Variants in IL1RAPL1 observed in about 807,000 individuals in gnomAD.
The protein encoded by IL1RAPL1 is interleukin-1 receptor accessory protein-like 1.
Under a neutral mutation model 48.4 loss-of-function variants are expected in IL1RAPL1, and 3 were observed. The observed-to-expected ratio is 0.06, with a 90% CI of 0.03 to 0.16. The LOEUF (loss-of-function observed/expected upper bound fraction) is 0.16. IL1RAPL1 is among the 10% of genes least tolerant of loss of function. The pLI is 1.00. For missense variants in IL1RAPL1, 349 were observed against 530.6 expected, an observed-to-expected ratio of 0.66 and a Z score of 3.36; for synonymous variants, 185 against 187.7, an observed-to-expected ratio of 0.99 and a Z score of 0.12.
rs758802910 is a variant in IL1RAPL1, at chrX:29,370,096, G to A, written c.363-26162G>A. Among the ~76,000 whole-genome samples the A allele has an allele frequency of 7.2e-5, 8 of 111,718 alleles. No homozygotes were observed. In the South Asian group the frequency reaches 1.8e-3, roughly 26 times the overall value. On this transcript the variant is annotated intron_variant, in intron 3 of 10. Coordinates refer to ENST00000378993, the MANE Select transcript of IL1RAPL1 (RefSeq NM_014271.4). Reference sequence around the variant, plus strand: ...AATAAGAACCAGAAAAAATTTTTTCGTAAATTTCCTTTTAGAGTGTCAAAA... The same window carrying A: ...AATAAGAACCAGAAAAAATTTTTTCATAAATTTCCTTTTAGAGTGTCAAAA...
chrX:29,202,920 C>G (rs766303955), intron 2 of IL1RAPL1, among the ~76,000 whole-genome samples: 15 of 111,105 alleles, frequency 1.4e-4, no homozygotes, highest in African/African-American at 3.9e-4. Flanking sequence ...TTGTGCCTAT[C>G]TGGGTGGTGA....
intron 10 of IL1RAPL1, 90 bp from the exon 11 acceptor site, chrX:29,955,012 T>C: frequency 2.6e-6 from 2 of 760,666 alleles, no homozygotes; most frequent in Non-Finnish European, 4.1e-6. Context: ...GTGAACTAGT[T>C]TCATTTAATT....
intron 6 of IL1RAPL1, among the ~76,000 whole-genome samples, chrX:29,680,114 A>G (rs961100504): frequency 3.6e-5 from 4 of 111,714 alleles, no homozygotes; most frequent in Non-Finnish European, 7.5e-5. Context: ...GAAGAATCAC[A>G]GGATTTAATA....
At chrX:29,079,325 T>C (rs913036871) in intron 2 of IL1RAPL1, among the ~76,000 whole-genome samples, 7 of 111,472 alleles carry the variant, frequency 6.3e-5, no homozygotes, top group Non-Finnish European at 1.3e-4. Flanking sequence ...GGGACCAAAA[T>C]CTTAAATGAT....
intron 6 of IL1RAPL1, among the ~76,000 whole-genome samples, chrX:29,725,628 C>T (rs1252519395): frequency 4.5e-5 from 5 of 111,772 alleles, no homozygotes; most frequent in African/African-American, 1.6e-4. Flanking sequence ...GCATCCTCCA[C>T]TGGGGCAACT....
At chrX:29,574,887 CA>C (rs1337390036) in intron 5 of IL1RAPL1, among the ~76,000 whole-genome samples, 1 of 111,989 alleles carries the variant, frequency 8.9e-6, no homozygotes, top group African/African-American at 3.2e-5. Flanking sequence ...ATCCCTAGAG[CA>C]GGGGCACAGT....
intron 2 of IL1RAPL1, among the ~76,000 whole-genome samples, chrX:28,834,259 C>T (rs1042252033): frequency 1.9e-5 from 2 of 106,764 alleles, no homozygotes; most frequent in African/African-American, 6.8e-5. Flanking sequence ...ATACCGTAGG[C>T]AATTTTTGTG....
intron 2 of IL1RAPL1, among the ~76,000 whole-genome samples, chrX:29,144,105 G>A (rs1011960746): frequency 1.5e-4 from 17 of 111,318 alleles, no homozygotes; most frequent in African/African-American, 5.2e-4. Context: ...AGTTAATGGC[G>A]ATATCAAGTG....
chrX:29,688,883 A>G (rs996517659), intron 6 of IL1RAPL1, among the ~76,000 whole-genome samples: 3 of 109,107 alleles, frequency 2.7e-5, no homozygotes, highest in Non-Finnish European at 5.7e-5. Flanking sequence ...GGAAGACATT[A>G]CCAAAAACTA....
At chrX:29,072,671 A>G (rs1927589998) in intron 2 of IL1RAPL1, among the ~76,000 whole-genome samples, 2 of 111,643 alleles carry the variant, frequency 1.8e-5, no homozygotes, top group Admixed American at 1.9e-4. Context: ...GCATATGCTA[A>G]TTGAAGTTGA....
chrX:29,592,806 A>C (rs901206477), intron 5 of IL1RAPL1, among the ~76,000 whole-genome samples: 1 of 111,739 alleles, frequency 8.9e-6, no homozygotes, highest in Non-Finnish European at 1.9e-5. Context: ...CTGGCCTCAC[A>C]GGCCTTGATT....
At chrX:28,945,715 A>G (rs1219590951) in intron 2 of IL1RAPL1, among the ~76,000 whole-genome samples, 2 of 110,231 alleles carry the variant, frequency 1.8e-5, no homozygotes, top group Admixed American at 2.0e-4. Flanking sequence ...ACGTATACCT[A>G]TGTAACAAAC....
At chrX:28,964,366 A>C (rs1924867827) in intron 2 of IL1RAPL1, among the ~76,000 whole-genome samples, 2 of 111,520 alleles carry the variant, frequency 1.8e-5, no homozygotes, top group Admixed American at 1.9e-4. Flanking sequence ...AGATTTCTTT[A>C]TTTCCCTTTA....
intron 6 of IL1RAPL1, among the ~76,000 whole-genome samples, chrX:29,914,652 G>A (rs770154170): frequency 9.3e-6 from 1 of 107,104 alleles, no homozygotes; most frequent in Non-Finnish European, 1.9e-5. Flanking sequence ...TATTGAATTC[G>A]TGACTACCTT....
At chrX:29,740,412 G>A (rs760256562) in intron 6 of IL1RAPL1, among the ~76,000 whole-genome samples, 16 of 111,515 alleles carry the variant, frequency 1.4e-4, no homozygotes, top group Non-Finnish European at 2.6e-4. Context: ...AATTCAATTT[G>A]CCTAAAACCA....
At chrX:29,915,477 G>T (rs1029261521) in intron 6 of IL1RAPL1, among the ~76,000 whole-genome samples, 1 of 111,975 alleles carries the variant, frequency 8.9e-6, no homozygotes, top group Non-Finnish European at 1.9e-5. Flanking sequence ...CTATAAAAAT[G>T]TTGTCATTGT....
At chrX:28,672,427 C>T (rs1172837648) in intron 1 of IL1RAPL1, among the ~76,000 whole-genome samples, 2 of 111,407 alleles carry the variant, frequency 1.8e-5, no homozygotes, top group African/African-American at 6.5e-5. Flanking sequence ...TAATGACCAC[C>T]TACTAAGAGC....
chrX:29,587,667 A>G lies in IL1RAPL1; in HGVS notation c.704-80763A>G, dbSNP rs140801693. On this transcript the variant is annotated intron_variant, in intron 5 of 10. Transcript: ENST00000378993. ...CTTGTATTTCTCCATTTAAAAAATA[A>G]TAAATAACTATTTATAGAAAAGGAA... Among the ~76,000 whole-genome samples the G allele has an allele frequency of 7.6e-3, 848 of 112,173 alleles. 7 individuals carry two copies. Among genetic ancestry groups the G allele is most frequent in the African/African-American group, 0.026 (792 of 30,884 alleles).
At chrX:29,226,534 G>A (rs1038016012) in intron 2 of IL1RAPL1, among the ~76,000 whole-genome samples, 7 of 103,397 alleles carry the variant, frequency 6.8e-5, no homozygotes, top group Non-Finnish European at 1.4e-4. Flanking sequence ...CTGGGTTCAA[G>A]CAATTTTCCT....
Sources: gnomAD v4.1 joint callset for allele counts (sites outside exome capture counted in the v4.1 genomes callset) on GRCh38, gnomAD v4.1.1 for gene constraint, MANE v1.5 for transcripts, NCBI Gene and HGNC (gene_info 2026-07-23, HGNC 2026-07-21) for gene names.